Variants in DEUP1 observed in about 807,000 individuals in gnomAD.
DEUP1 encodes the protein deuterosome assembly protein 1, also known as coiled-coil domain containing 67.
In DEUP1, 82 loss-of-function variants were observed where a neutral mutation model predicts 87.4. The observed-to-expected ratio is 0.94, with a 90% CI of 0.78 to 1.13. DEUP1 has a LOEUF of 1.13. DEUP1 is among the 50% of genes most tolerant of loss of function. DEUP1 has a pLI of 0.00. For missense variants in DEUP1, 663 were observed against 681.5 expected (o/e 0.97, Z 0.30); for synonymous variants, 214 against 222.7 (o/e 0.96, Z 0.35).
intron 7 of DEUP1, among the ~76,000 whole-genome samples, chr11:93,374,687 A>G (rs191235996): frequency 2.0e-5 from 3 of 152,166 alleles, no homozygotes; most frequent in African/African-American, 7.2e-5. Flanking sequence ...CTATAGCATT[A>G]TAGTATAGGG....
At chr11:93,397,785 GAAAT>G (rs1946985227) in intron 11 of DEUP1, among the ~76,000 whole-genome samples, 1 of 152,060 alleles carries the variant, frequency 6.6e-6, no homozygotes, top group African/African-American at 2.4e-5. Context: ...TTCTTTTACA[GAAAT>G]AAATGTATAA....
intron 13 of DEUP1, among the ~76,000 whole-genome samples, chr11:93,435,793 G>A (rs576928158): frequency 3.9e-5 from 6 of 152,128 alleles, no homozygotes; most frequent in African/African-American, 1.4e-4. Context: ...TCAGGAGATC[G>A]AGACCATCCT....
intron 2 of DEUP1, among the ~76,000 whole-genome samples, chr11:93,337,865 G>A (rs1433956841): frequency 1.3e-5 from 2 of 152,162 alleles, no homozygotes; most frequent in Admixed American, 6.5e-5. Context: ...TTGCACATAC[G>A]TTTCACAGGA....
intron 7 of DEUP1, among the ~76,000 whole-genome samples, chr11:93,371,540 C>G (rs1046440795): frequency 6.6e-6 from 1 of 152,108 alleles, no homozygotes; most frequent in Non-Finnish European, 1.5e-5. Context: ...TGGTCACTTA[C>G]GGACCTCTAT....
intron 12 of DEUP1, among the ~76,000 whole-genome samples, chr11:93,412,234 T>A (rs558070396): frequency 6.6e-6 from 1 of 152,194 alleles, no homozygotes; most frequent in South Asian, 2.1e-4. Flanking sequence ...GTGGACAGAG[T>A]TCTGTTCCCC....
chr11:93,434,603 A>G (rs1462574753), intron 13 of DEUP1, among the ~76,000 whole-genome samples: 2 of 152,200 alleles, frequency 1.3e-5, no homozygotes, highest in Non-Finnish European at 2.9e-5. Context: ...AAGTGACCAC[A>G]TGGGAGCCAA....
intron 7 of DEUP1, among the ~76,000 whole-genome samples, chr11:93,384,075 G>A (rs1946422421): frequency 6.6e-6 from 1 of 152,120 alleles, no homozygotes; most frequent in Non-Finnish European, 1.5e-5. Flanking sequence ...TTCCATTGCT[G>A]TCTCCTAGAG....
chr11:93,353,761 T>C (rs1310329920), intron 2 of DEUP1, among the ~76,000 whole-genome samples: 2 of 152,230 alleles, frequency 1.3e-5, no homozygotes, highest in Non-Finnish European at 2.9e-5. Context: ...CATTGGCCCC[T>C]TTTAGCCATG....
At chr11:93,341,669 G>A (rs952613200) in intron 2 of DEUP1, among the ~76,000 whole-genome samples, 2 of 152,098 alleles carry the variant, frequency 1.3e-5, no homozygotes, top group Admixed American at 6.5e-5. Flanking sequence ...CTGCAGTTGC[G>A]TATGACTGCT....
At chr11:93,371,346 A>T (rs778966066) in intron 7 of DEUP1, 66 bp downstream of exon 7, 391 of 1,375,522 alleles carry the variant, frequency 2.8e-4, no homozygotes, top group Non-Finnish European at 3.6e-4. Context: ...ACATATAGAG[A>T]TTAGAATGAT....
intron 13 of DEUP1, among the ~76,000 whole-genome samples, chr11:93,415,703 T>A (rs1206152968): frequency 6.6e-6 from 1 of 152,060 alleles, no homozygotes; most frequent in Non-Finnish European, 1.5e-5. Context: ...TGCCAACTTG[T>A]AAATTTTATA....
intron 10 of DEUP1, among the ~76,000 whole-genome samples, 181 bp downstream of exon 10, chr11:93,394,837 C>G: frequency 6.6e-6 from 1 of 152,152 alleles, no homozygotes; most frequent in Non-Finnish European, 1.5e-5. Flanking sequence ...GTGTCACCAA[C>G]AAAAAGGACT....
chr11:93,430,254 A>G (rs1948062152), intron 13 of DEUP1, among the ~76,000 whole-genome samples: 2 of 152,166 alleles, frequency 1.3e-5, no homozygotes, highest in Admixed American at 1.3e-4. Flanking sequence ...TTGAGCACCA[A>G]CTATATGGCA....
intron 11 of DEUP1, among the ~76,000 whole-genome samples, chr11:93,399,899 T>G (rs1947064055): frequency 6.6e-6 from 1 of 152,040 alleles, no homozygotes; most frequent in African/African-American, 2.4e-5. Context: ...AGTTTTCTAG[T>G]TTTTGATTTT....
rs553959117 is a variant in DEUP1 at position 93,388,942 on chromosome 11, G to A, written c.936-78G>A. ...TGATCTATCTCCGCAGCCTGTAATG[G>A]TCTAAATTAACAATATAATCGTTAC... On this transcript the variant is annotated intron_variant, in intron 8 of 13. Transcript: ENST00000298050. 58 of 822,434 alleles carry A rather than the reference G, an allele frequency of 7.1e-5. No homozygotes were observed. The South Asian group carries it at 8.8e-4, about 13-fold the overall frequency. The allele number at this position is 822,434 out of a possible 1,614,324, so 50.9% of individuals were successfully genotyped here.
chr11:93,367,623 A>T (rs952884185), intron 5 of DEUP1, among the ~76,000 whole-genome samples: 12 of 152,140 alleles, frequency 7.9e-5, no homozygotes, highest in Non-Finnish European at 1.0e-4. Flanking sequence ...TCTTTCAAAA[A>T]TTTTTTTAAA....
At chr11:93,420,884 C>A (rs1947854671) in intron 13 of DEUP1, among the ~76,000 whole-genome samples, 1 of 107,558 alleles carries the variant, frequency 9.3e-6, no homozygotes, top group Non-Finnish European at 1.9e-5. Context: ...TCAAGGAGAA[C>A]TACAAACCAC....
intron 4 of DEUP1, among the ~76,000 whole-genome samples, chr11:93,360,006 C>A (rs888154306): frequency 2.6e-5 from 4 of 152,112 alleles, no homozygotes; most frequent in Non-Finnish European, 4.4e-5. Context: ...TAAGGAGGCA[C>A]CTCTCCCTGT....
chr11:93,358,269 A>G (rs1023777584), intron 4 of DEUP1, among the ~76,000 whole-genome samples: 1 of 152,222 alleles, frequency 6.6e-6, no homozygotes, highest in Non-Finnish European at 1.5e-5. Flanking sequence ...CCAAGCAGTC[A>G]TTTAATATAT....
Sources: allele counts gnomAD v4.1 joint callset (sites outside exome capture counted in the v4.1 genomes callset), GRCh38; gene constraint gnomAD v4.1.1; transcripts MANE v1.5; gene names NCBI Gene and HGNC (gene_info 2026-07-23, HGNC 2026-07-21).